The following PTPRG variants were observed in gnomAD, a reference collection of about 807,000 sequenced individuals.
PTPRG encodes the protein protein tyrosine phosphatase receptor type G, also known as receptor-type tyrosine-protein phosphatase gamma.
Under a neutral mutation model 165.3 loss-of-function variants are expected in PTPRG, and 102 were observed. The ratio of observed to expected loss-of-function variants is 0.62; its 90% confidence interval spans 0.53 to 0.73. The LOEUF is 0.73. PTPRG is among the 30% of genes least tolerant of loss of function. The pLI, the probability that PTPRG is intolerant of heterozygous loss-of-function variation, is 0.00. For missense variants in PTPRG, 1,866 were observed against 1,861.4 expected, an observed-to-expected ratio of 1.00 and a Z score of -0.05; for synonymous variants, 675 against 669.5, an observed-to-expected ratio of 1.01 and a Z score of -0.13.
chr3:62,239,314 CA>C (rs1175732792), intron 14 of PTPRG, among the ~76,000 whole-genome samples: 1 of 151,454 alleles, frequency 6.6e-6, no homozygotes, highest in Non-Finnish European at 1.5e-5. Flanking sequence ...CACACGTAAG[CA>C]CTTCGAGAAA....
intron 1 of PTPRG, among the ~76,000 whole-genome samples, chr3:61,661,131 G>A (rs59041343): frequency 0.17 from 25,501 of 151,512 alleles, 2,227 homozygotes; most frequent in African/African-American, 0.2. Flanking sequence ...TGAGTGCAGT[G>A]GCATGCTCCT....
chr3:61,893,798 T>C (rs1304905607), intron 2 of PTPRG, among the ~76,000 whole-genome samples: 4 of 152,194 alleles, frequency 2.6e-5, no homozygotes, highest in Admixed American at 2.6e-4. Flanking sequence ...TTGGTATGGT[T>C]AGGGAACTTT....
In PTPRG at chr3:62,275,970, A is replaced by C. The variant is rs1419615118; in HGVS notation, c.3559+4A>C. The C allele has an allele frequency of 6.3e-7, 1 of 1,594,464 alleles. No homozygotes were observed. Among genetic ancestry groups the C allele is most frequent in the East Asian group, 2.2e-5 (1 of 44,716 alleles). On this transcript the variant is annotated splice_donor_region_variant and intron_variant, in intron 24 of 29. Transcript: ENST00000474889. ...AGAAACTCTTCAGTTGTGCCATGTA[A>C]GACTTTAAAACAGTTTGTTAGTGAT...
At chr3:62,013,614 T>C (rs549832466) in intron 4 of PTPRG, among the ~76,000 whole-genome samples, 1 of 152,330 alleles carries the variant, frequency 6.6e-6, no homozygotes, top group South Asian at 2.1e-4. Context: ...ATGATGGGTA[T>C]ATTAATATGT....
At chr3:61,565,287 A>G (rs988166135) in intron 1 of PTPRG, among the ~76,000 whole-genome samples, 1 of 152,210 alleles carries the variant, frequency 6.6e-6, no homozygotes, top group African/African-American at 2.4e-5. Context: ...GATGCTTTCC[A>G]AGTGCAAAGC....
chr3:62,016,032 A>G (rs948427848), intron 4 of PTPRG, among the ~76,000 whole-genome samples: 4 of 151,866 alleles, frequency 2.6e-5, no homozygotes, highest in African/African-American at 9.7e-5. Context: ...TATGTTATAT[A>G]CTAAAGAATG....
At chr3:61,923,992 C>A (rs2039146480) in intron 2 of PTPRG, among the ~76,000 whole-genome samples, 1 of 152,168 alleles carries the variant, frequency 6.6e-6, no homozygotes, top group South Asian at 2.1e-4. Flanking sequence ...ATTTCATAGA[C>A]ATTTTTAGAG....
chr3:61,859,270 G>A (rs542222253), intron 2 of PTPRG, among the ~76,000 whole-genome samples: 1 of 152,070 alleles, frequency 6.6e-6, no homozygotes, highest in Non-Finnish European at 1.5e-5. Context: ...AGATATGAAA[G>A]ACCTTAGGTT....
At chr3:61,684,434 A>T (rs1035423259) in intron 1 of PTPRG, among the ~76,000 whole-genome samples, 4 of 152,168 alleles carry the variant, frequency 2.6e-5, no homozygotes, top group African/African-American at 9.7e-5. Flanking sequence ...CCTTTTTAAA[A>T]ATATAGTCAT....
At chr3:62,253,036 A>G (rs891399761) in intron 15 of PTPRG, among the ~76,000 whole-genome samples, 3 of 152,164 alleles carry the variant, frequency 2.0e-5, no homozygotes, top group Non-Finnish European at 4.4e-5. Flanking sequence ...CAGCAGGCAT[A>G]CTGATTTCTG....
chr3:61,995,080 C>CTTTTTTTTTTTTTTTTTTTTTTTTTT (rs1233679653), intron 3 of PTPRG, among the ~76,000 whole-genome samples: 7 of 107,400 alleles, frequency 6.5e-5, no homozygotes, highest in South Asian at 3.1e-4. Context: ...TCTTTTCTTT[C>CTTTTTTTTTTTTTTTTTTTTTTTTTT]TTTCTTTTTT....
Position 62,190,806 on chromosome 3 carries a change from C to T in PTPRG, c.1034-663C>T, listed in dbSNP as rs1699791042. Among the ~76,000 whole-genome samples, 1 of 152,176 alleles carries T rather than the reference C, an allele frequency of 6.6e-6. No homozygotes were observed. Among genetic ancestry groups the T allele is most frequent in the African/African-American group, 2.4e-5 (1 of 41,430 alleles). On this transcript the variant is annotated intron_variant, in intron 8 of 29. Coordinates refer to ENST00000474889, the MANE Select transcript of PTPRG (RefSeq NM_002841.4). The surrounding 1 kb of genome is among the most constrained non-coding windows in gnomAD (Gnocchi z 5.2). ...AAAACGTCCATCATGAAGAAAAAGG[C>T]TGTTGACCATGAGGCTGAAGTCAGG...
At chr3:61,768,078 TATTA>T (rs2034090758) in intron 2 of PTPRG, among the ~76,000 whole-genome samples, 1 of 151,998 alleles carries the variant, frequency 6.6e-6, no homozygotes, top group South Asian at 2.1e-4. Context: ...ATTAGAGATA[TATTA>T]ATTGATTTTA....
intron 2 of PTPRG, among the ~76,000 whole-genome samples, chr3:61,763,404 A>G (rs749894541): frequency 6.6e-6 from 1 of 151,758 alleles, no homozygotes; most frequent in African/African-American, 2.4e-5. Flanking sequence ...CACCCGGCTA[A>G]TTTTTGTATT....
At chr3:61,791,766 G>T (rs1219816541) in intron 2 of PTPRG, among the ~76,000 whole-genome samples, 1 of 152,192 alleles carries the variant, frequency 6.6e-6, no homozygotes, top group Admixed American at 6.5e-5. Flanking sequence ...GGGATTACAG[G>T]CATAAGCCAT....
intron 6 of PTPRG, among the ~76,000 whole-genome samples, chr3:62,146,545 T>A (rs1704129159): frequency 6.6e-6 from 1 of 151,512 alleles, no homozygotes; most frequent in Non-Finnish European, 1.5e-5. Flanking sequence ...TGATGGAGAG[T>A]GTTTCACAGG....
At chr3:61,918,929 A>T (rs1261420723) in intron 2 of PTPRG, among the ~76,000 whole-genome samples, 1 of 152,144 alleles carries the variant, frequency 6.6e-6, no homozygotes, top group Non-Finnish European at 1.5e-5. Context: ...ATACTCCTTT[A>T]TCCCTTTGTA....
chr3:62,049,069 T>C (rs940705778), intron 4 of PTPRG, among the ~76,000 whole-genome samples: 1 of 151,964 alleles, frequency 6.6e-6, no homozygotes, highest in African/African-American at 2.4e-5. Context: ...GTTGATAACC[T>C]TGAAATGGAG....
At chr3:61,713,161 TATG>T (rs1254599610) in intron 1 of PTPRG, among the ~76,000 whole-genome samples, 1 of 146,608 alleles carries the variant, frequency 6.8e-6, no homozygotes, top group Non-Finnish European at 1.5e-5. Context: ...AAACATCAAA[TATG>T]TTTTTTTTTT....
Sources: allele counts gnomAD v4.1 joint callset (sites outside exome capture counted in the v4.1 genomes callset), GRCh38; gene constraint gnomAD v4.1.1; non-coding constraint Gnocchi (gnomAD v3.1); transcripts MANE v1.5; gene names NCBI Gene and HGNC (gene_info 2026-07-23, HGNC 2026-07-21).